FBN2: variants seen among roughly 807,000 people sequenced by gnomAD.
The protein encoded by FBN2 is fibrillin-2.
Under a neutral mutation model 355.6 loss-of-function variants are expected in FBN2, and 105 were observed. The ratio of observed to expected loss-of-function variants is 0.30; its 90% CI spans 0.25 to 0.35. FBN2 has a LOEUF of 0.35. Among genes scored for constraint, FBN2 ranks in the 10% least tolerant of loss-of-function variants. The pLI, the probability that FBN2 is intolerant of heterozygous loss-of-function variation, is 1.00. For missense variants in FBN2, 3,280 were observed against 3,758.7 expected, an observed-to-expected ratio of 0.87 and a Z score of 3.33; for synonymous variants, 1,350 against 1,301.2, an observed-to-expected ratio of 1.04 and a Z score of -0.81.
In FBN2 at chr5:128,446,470, G is replaced by C. The variant is rs1157854895; in HGVS notation, c.952+11C>G. 1 of 1,613,250 alleles carries C rather than the reference G, an allele frequency of 6.2e-7. No individual in the cohort carries two copies. Among genetic ancestry groups the C allele is most frequent in the African/African-American group, 1.3e-5 (1 of 74,904 alleles). On this transcript the variant is annotated intron_variant, in intron 7 of 64. Coordinates refer to ENST00000262464, the MANE Select transcript of FBN2 (RefSeq NM_001999.4). ...ACAATTAGGCATGCTTCCCAAAGTA[G>C]AGAGACTCACCTTCACATTTCTGAG... is the stretch of plus-strand genomic sequence containing the variant.
intron 7 of FBN2, among the ~76,000 whole-genome samples, chr5:128,438,519 G>C (rs1458106952): frequency 6.6e-6 from 1 of 152,148 alleles, no homozygotes; most frequent in Non-Finnish European, 1.5e-5. Context: ...AAAAGTAATA[G>C]TTTTATGGTA....
rs191466032 is a variant in FBN2 at position 128,259,965 on chromosome 5, C to G, written c.8365-136G>C. On this transcript the variant is annotated intron_variant, in intron 64 of 64. Coordinates refer to ENST00000262464, the MANE Select transcript of FBN2 (RefSeq NM_001999.4). ...ACTCCCGCTTTCTGCACTCTCCTTACCAGCAGTGGCTGTGAAAGAGGCTAT... is the reference window on the plus strand; with the variant it reads ...ACTCCCGCTTTCTGCACTCTCCTTAGCAGCAGTGGCTGTGAAAGAGGCTAT... 1.0e-3 allele frequency: 881 copies of G among 850,876 alleles called. 2 individuals are homozygous for G. The highest frequency in any genetic ancestry group is 1.4e-3 in the Non-Finnish European group (727 of 519,652). The allele number at this position is 850,876 out of a possible 1,614,324, so 52.7% of individuals were successfully genotyped here.
At position 128,287,358 on chromosome 5, in the gene FBN2, C is replaced by T; in HGVS notation, c.6830G>A (p.Cys2277Tyr). The T allele has an allele frequency of 6.2e-7, 1 of 1,614,016 alleles. No homozygotes were observed. Among genetic ancestry groups the T allele is most frequent in the African/African-American group, 1.3e-5 (1 of 75,022 alleles). ...GAGGGCATAGCCAATCGGGCACGTG[C>T]ATTCATAGGACCCAAAAGTGTTCAT... ...RCMNTFGSYE[C>Y]TCPIGYALRE... The change falls in exon 54 of 65, where the codon TGC becomes TAC. Residue 2277 changes from cysteine to tyrosine, a missense_variant. Around this residue, in one of 6 missense-constraint regions of FBN2, gnomAD observed 2,284 missense variants for 2,749.5 expected, o/e 0.83. Transcript: ENST00000262464.
Position 128,537,684 on chromosome 5 carries a change from T to G in FBN2, c.-81A>C. On this transcript the variant is annotated 5_prime_UTR_variant, in exon 1 of 65. Transcript: ENST00000262464. ...AAAATCTGCGCGCCTCAGAAAAGAG[T>G]CAGGGTCTAATAAGCCCTTCGTCGG... 1 of 1,412,496 alleles carries G rather than the reference T, an allele frequency of 7.1e-7. No individual in the cohort carries two copies. The allele number at this position is 1,412,496 out of a possible 1,614,324, so 87.5% of individuals were successfully genotyped here. A position where few individuals can be genotyped will look rare whatever the true frequency, so the allele number is the denominator to read the frequency against.
Position 128,259,319 on chromosome 5 carries a change from T to C in FBN2, c.*136A>G, listed in dbSNP as rs1234877871. On this transcript the variant is annotated 3_prime_UTR_variant, in exon 65 of 65. Coordinates refer to ENST00000262464, the MANE Select transcript of FBN2 (RefSeq NM_001999.4). ...TTATCCCTCCCTGTGAGGGTCAACA[T>C]TCAAAGTCTAAGACAGGGAGGAAAG... is the stretch of plus-strand genomic sequence containing the variant. 9.3e-6 allele frequency: 11 copies of C among 1,186,354 alleles called. No individual in the cohort carries two copies. Among genetic ancestry groups the C allele is most frequent in the African/African-American group, 1.5e-5 (1 of 66,348 alleles). The allele number at this position is 1,186,354 out of a possible 1,614,324, so 73.5% of individuals were successfully genotyped here.
rs1019355790 is a variant in FBN2 at position 128,286,806 on chromosome 5, C to T, written c.6924G>A (p.Arg2308=). ...CAEGLHDCES[R]GMMCKNLIGT... is the part of the protein sequence containing the mutation. ...CGATTAGATTCTTACACATCATGCC[C>T]CTAGATTCACAGTCGTGTAACCCTT... Residue 2308 remains arginine, a synonymous_variant, in exon 55 of 65, where the codon AGG becomes AGA. Coordinates refer to ENST00000262464, the MANE Select transcript of FBN2 (RefSeq NM_001999.4). 32 of 1,613,860 alleles carry T rather than the reference C, an allele frequency of 2.0e-5. 1 individual carries two copies. The highest frequency in any genetic ancestry group is 1.9e-4 in the South Asian group (17 of 91,076).
At chr5:128,332,879 C>T (rs1714953551) in intron 32 of FBN2, 33 bp downstream of exon 32, 1 of 1,611,820 alleles carries the variant, frequency 6.2e-7, no homozygotes, top group South Asian at 1.1e-5. Context: ...AAATTTGTGC[C>T]TTAGCAAAGG....
chr5:128,323,216 G>T (rs895307887), intron 34 of FBN2, among the ~76,000 whole-genome samples: 2 of 152,172 alleles, frequency 1.3e-5, no homozygotes, highest in Non-Finnish European at 2.9e-5. Context: ...GATACAATTT[G>T]ACTTCCTCTT....
chr5:128,508,309 G>A (rs760349211), intron 5 of FBN2, among the ~76,000 whole-genome samples: 4 of 151,774 alleles, frequency 2.6e-5, no homozygotes, highest in Non-Finnish European at 4.4e-5. Flanking sequence ...CTTTCTATTT[G>A]TTTTCTAACT....
At chr5:128,516,692 T>C (rs973313370) in intron 5 of FBN2, among the ~76,000 whole-genome samples, 1 of 152,178 alleles carries the variant, frequency 6.6e-6, no homozygotes, top group African/African-American at 2.4e-5. Flanking sequence ...ACAAAGAACA[T>C]ATATTTTGAA....
At chr5:128,493,954 A>G (rs1294331216) in intron 5 of FBN2, among the ~76,000 whole-genome samples, 1 of 152,206 alleles carries the variant, frequency 6.6e-6, no homozygotes, top group Non-Finnish European at 1.5e-5. Flanking sequence ...AGAGAAAACC[A>G]GGGGATGACA....
intron 55 of FBN2, among the ~76,000 whole-genome samples, chr5:128,284,592 G>A (rs970515569): frequency 1.3e-5 from 2 of 152,148 alleles, no homozygotes; most frequent in Non-Finnish European, 2.9e-5. Context: ...CTAATGTGTA[G>A]TTTCAATTCA....
chr5:128,408,618 G>A (rs1169603190), intron 8 of FBN2, 56 bp downstream of exon 8: 20 of 1,604,946 alleles, frequency 1.2e-5, no homozygotes, highest in Middle Eastern at 3.3e-4. Flanking sequence ...ACCTGTTTGG[G>A]CTGTTTTGTC....
At chr5:128,268,965 A>C (rs1389005242) in intron 62 of FBN2, among the ~76,000 whole-genome samples, 1 of 152,220 alleles carries the variant, frequency 6.6e-6, no homozygotes. Context: ...AACTGGTATA[A>C]GATAAGAATG....
intron 7 of FBN2, among the ~76,000 whole-genome samples, chr5:128,423,268 A>C (rs1410271456): frequency 6.6e-6 from 1 of 152,154 alleles, no homozygotes; most frequent in Non-Finnish European, 1.5e-5. Context: ...TCACACTGCT[A>C]ATAAAGACAT....
At chr5:128,298,998 T>C (rs1749624161) in intron 48 of FBN2, among the ~76,000 whole-genome samples, 1 of 152,182 alleles carries the variant, frequency 6.6e-6, no homozygotes, top group Non-Finnish European at 1.5e-5. Context: ...ATGATGGTGA[T>C]GTACAGATGG....
intron 7 of FBN2, among the ~76,000 whole-genome samples, chr5:128,428,027 T>C (rs1445843962): frequency 2.0e-5 from 3 of 152,196 alleles, no homozygotes; most frequent in Non-Finnish European, 4.4e-5. Flanking sequence ...ACTCAATTCT[T>C]TTCCTTTCCT....
intron 5 of FBN2, among the ~76,000 whole-genome samples, chr5:128,472,067 T>C (rs1325306874): frequency 6.6e-6 from 1 of 152,166 alleles, no homozygotes; most frequent in East Asian, 1.9e-4. Context: ...TCTACCCATG[T>C]TCACAGCAGC....
At chr5:128,404,028 A>G (rs570938958) in intron 8 of FBN2, among the ~76,000 whole-genome samples, 1 of 152,352 alleles carries the variant, frequency 6.6e-6, no homozygotes, top group South Asian at 2.1e-4. Context: ...TGTCACTTTC[A>G]GCACATGTGA....
Sources: gnomAD v4.1 joint callset for allele counts (sites outside exome capture counted in the v4.1 genomes callset) on GRCh38, gnomAD v4.1.1 for gene constraint, gnomAD v4.1.1 regional missense constraint, MANE v1.5 for transcripts, NCBI Gene and HGNC (gene_info 2026-07-23, HGNC 2026-07-21) for gene names.